Variants in ARHGAP42 observed in about 807,000 individuals in gnomAD.
The protein encoded by ARHGAP42 is rho GTPase-activating protein 42.
A neutral mutation model predicts 125.0 loss-of-function variants in ARHGAP42; 63 were observed. The ratio of observed to expected loss-of-function variants is 0.50; its 90% CI spans 0.41 to 0.62. ARHGAP42 has a LOEUF of 0.62. Ranked by LOEUF, ARHGAP42 falls within the 20% of genes least tolerant of loss-of-function variation. The pLI, the probability that ARHGAP42 is intolerant of heterozygous loss-of-function variation, is 0.00. For synonymous variants in ARHGAP42, 339 were observed against 351.0 expected, an observed-to-expected ratio of 0.97 and a Z score of 0.38; for missense variants, 766 against 1,024.2, an observed-to-expected ratio of 0.75 and a Z score of 3.44.
intron 2 of ARHGAP42, among the ~76,000 whole-genome samples, chr11:100,790,682 A>G (rs901527975): frequency 1.3e-5 from 2 of 152,184 alleles, no homozygotes; most frequent in Admixed American, 6.5e-5. Flanking sequence ...GTGGAAATGT[A>G]TTGTTAAACT....
At chr11:100,975,671 C>T (rs928966952) in intron 19 of ARHGAP42, among the ~76,000 whole-genome samples, 2 of 152,144 alleles carry the variant, frequency 1.3e-5, no homozygotes, top group African/African-American at 4.8e-5. Flanking sequence ...ACTATACCCC[C>T]TTTCATTGAT....
chr11:100,962,492 C>T (rs1857981085), intron 16 of ARHGAP42, 25 bp downstream of exon 16: 4 of 1,509,986 alleles, frequency 2.6e-6, no homozygotes, highest in Non-Finnish European at 2.7e-6. Flanking sequence ...ATCATATACA[C>T]ATTATAATTG....
At chr11:100,863,581 A>G (rs977866960) in intron 4 of ARHGAP42, among the ~76,000 whole-genome samples, 3 of 152,200 alleles carry the variant, frequency 2.0e-5, no homozygotes, top group Admixed American at 2.0e-4. Flanking sequence ...GGAAAGAAGC[A>G]TTGTTCATCT....
At chr11:100,743,438 A>C (rs900579406) in intron 1 of ARHGAP42, among the ~76,000 whole-genome samples, 1 of 152,192 alleles carries the variant, frequency 6.6e-6, no homozygotes, top group Non-Finnish European at 1.5e-5. Flanking sequence ...GCTTGCTTTT[A>C]GTCTGATAGG....
At chr11:100,982,851 GT>G (rs1565306700) in intron 22 of ARHGAP42, among the ~76,000 whole-genome samples, 1 of 152,150 alleles carries the variant, frequency 6.6e-6, no homozygotes, top group African/African-American at 2.4e-5. Flanking sequence ...GTGAGTTTGA[GT>G]TTTTAAAAGG....
chr11:100,933,818 TC>T (rs1867651445), intron 7 of ARHGAP42, among the ~76,000 whole-genome samples: 1 of 152,172 alleles, frequency 6.6e-6, no homozygotes, highest in Non-Finnish European at 1.5e-5. Flanking sequence ...AGATGGAGCT[TC>T]GCTCGTCACC....
intron 1 of ARHGAP42, among the ~76,000 whole-genome samples, chr11:100,744,946 G>GC (rs1329271217): frequency 2.0e-5 from 3 of 152,146 alleles, no homozygotes; most frequent in African/African-American, 4.8e-5. Flanking sequence ...GGCGCACGTG[G>GC]CCCCCGCTGC....
chr11:100,759,017 G>T (rs896213652), intron 1 of ARHGAP42, among the ~76,000 whole-genome samples: 1 of 152,012 alleles, frequency 6.6e-6, no homozygotes. Flanking sequence ...TTGTTTGTTT[G>T]TTTTTTAACT....
chr11:100,948,597 A>T, intron 11 of ARHGAP42, 62 bp downstream of exon 11: 1 of 1,294,298 alleles, frequency 7.7e-7, no homozygotes, highest in Non-Finnish European at 1.1e-6. Flanking sequence ...AATGTATGGA[A>T]ATTCTTTTCA....
chr11:100,950,358 A>T (rs949900307), intron 12 of ARHGAP42, among the ~76,000 whole-genome samples: 5 of 122,928 alleles, frequency 4.1e-5, no homozygotes, highest in Admixed American at 3.9e-4. Context: ...TAAATACTGT[A>T]TTTATTTATC....
chr11:100,979,166 A>T, intron 22 of ARHGAP42, 117 bp downstream of exon 22: 3 of 953,482 alleles, frequency 3.1e-6, no homozygotes, highest in Non-Finnish European at 4.9e-6. Flanking sequence ...GGTCAAATTT[A>T]AGTCCACTGG....
At position 100,858,083 on chromosome 11, in the gene ARHGAP42, A is replaced by AGG. The variant is rs3219611; in HGVS notation, c.313-1468_313-1467dup. Among the ~76,000 whole-genome samples the AGG allele has an allele frequency of 6.0e-3, 430 of 71,398 alleles. 2 individuals carry two copies. The highest frequency in any genetic ancestry group is 0.019 in the African/African-American group (400 of 20,648). The allele number at this position is 71,398 out of a possible 152,430, so 46.8% of individuals were successfully genotyped here. On this transcript the variant is annotated intron_variant, in intron 3 of 23. Coordinates refer to ENST00000298815, the MANE Select transcript of ARHGAP42 (RefSeq NM_152432.4). ...TGTGTCGCATCTGTACAATCTGGATAGGGGTGTGTGTGTGTGTGTGTGTGT... is the reference window on the plus strand; with the variant it reads ...TGTGTCGCATCTGTACAATCTGGATAGGGGGGTGTGTGTGTGTGTGTGTGTGT...
At chr11:100,811,620 C>T (rs956286556) in intron 3 of ARHGAP42, among the ~76,000 whole-genome samples, 4 of 151,792 alleles carry the variant, frequency 2.6e-5, no homozygotes, top group African/African-American at 9.7e-5. Flanking sequence ...CTGCCTTAGC[C>T]TCCTGAGTAG....
chr11:100,807,415 C>T (rs1864023710), intron 3 of ARHGAP42, among the ~76,000 whole-genome samples: 1 of 152,034 alleles, frequency 6.6e-6, no homozygotes, highest in African/African-American at 2.4e-5. Flanking sequence ...AGGTTGGTCT[C>T]GAACTCCTGA....
At chr11:100,975,413 T>C (rs1858364208) in intron 19 of ARHGAP42, among the ~76,000 whole-genome samples, 1 of 152,226 alleles carries the variant, frequency 6.6e-6, no homozygotes, top group South Asian at 2.1e-4. Context: ...GAATGCATTA[T>C]TATGCTTTAT....
chr11:100,951,129 T>G (rs1354789005), intron 12 of ARHGAP42, among the ~76,000 whole-genome samples: 1 of 152,104 alleles, frequency 6.6e-6, no homozygotes, highest in African/African-American at 2.4e-5. Flanking sequence ...CCTATTATTT[T>G]ATCTGAATTA....
rs373508179 is a variant in ARHGAP42, at chr11:100,903,117, G to GCGCACACACA, written c.385-10334_385-10333insGCACACACAC. On this transcript the variant is annotated intron_variant, in intron 4 of 23. Coordinates refer to ENST00000298815, the MANE Select transcript of ARHGAP42 (RefSeq NM_152432.4). ...TCCTCAATCTTGCTGTCCAAGATGC[G>GCGCACACACA]CACACACACACACACACACACACAC... Among the ~76,000 whole-genome samples the GCGCACACACA allele has an allele frequency of 6.0e-3, 788 of 132,026 alleles. 10 individuals are homozygous for GCGCACACACA. Among genetic ancestry groups the GCGCACACACA allele is most frequent in the East Asian group, 0.024 (106 of 4,356 alleles). 86.6% of individuals were successfully genotyped at this position (132,026 alleles called of 152,430 possible).
At chr11:100,920,267 GCA>G (rs1867198483) in intron 5 of ARHGAP42, among the ~76,000 whole-genome samples, 2 of 152,116 alleles carry the variant, frequency 1.3e-5, no homozygotes, top group South Asian at 2.1e-4. Context: ...CTAATTAAAT[GCA>G]TGATAAGTAT....
At chr11:100,817,562 C>T (rs1001465407) in intron 3 of ARHGAP42, among the ~76,000 whole-genome samples, 1 of 152,074 alleles carries the variant, frequency 6.6e-6, no homozygotes, top group Non-Finnish European at 1.5e-5. Flanking sequence ...TAATCTTCTC[C>T]AATTTGAGTA....
Sources: allele counts gnomAD v4.1 joint callset (sites outside exome capture counted in the v4.1 genomes callset), GRCh38; gene constraint gnomAD v4.1.1; transcripts MANE v1.5; gene names NCBI Gene and HGNC (gene_info 2026-07-23, HGNC 2026-07-21).